Variants in SLC24A2 observed in about 807,000 individuals in gnomAD.
SLC24A2 encodes the protein solute carrier family 24 member 2.
In SLC24A2, 36 loss-of-function variants were observed where a neutral mutation model predicts 62.0. That is an observed-to-expected ratio of 0.58 (90% CI 0.44 to 0.77). SLC24A2 has a LOEUF of 0.77. Among genes scored for constraint, SLC24A2 ranks in the 30% least tolerant of loss-of-function variants. SLC24A2 has a pLI of 0.00. For missense variants in SLC24A2, 846 were observed against 817.9 expected (o/e 1.03, Z -0.42); for synonymous variants, 358 against 294.0 (o/e 1.22, Z -2.23).
At chr9:20,082,200 A>G in the SLC24A2 span, among the ~76,000 whole-genome samples, 3 of 152,196 alleles carry the variant, frequency 2.0e-5, no homozygotes, top group Non-Finnish European at 4.4e-5. Context: ...TTAAGAATAC[A>G]AACTTGATAC....
chr9:19,888,006 G>A, the SLC24A2 span, among the ~76,000 whole-genome samples: 1 of 152,140 alleles, frequency 6.6e-6, no homozygotes, highest in Non-Finnish European at 1.5e-5. Flanking sequence ...AGGGACAAAA[G>A]CCTACAAATT....
chr9:20,043,667 G>A, the SLC24A2 span, among the ~76,000 whole-genome samples: 2 of 152,174 alleles, frequency 1.3e-5, no homozygotes, highest in Non-Finnish European at 2.9e-5. Context: ...AATTAGAAGT[G>A]AAACCTGAAG....
intron 2 of SLC24A2, among the ~76,000 whole-genome samples, chr9:19,685,874 T>C (rs982271820): frequency 2.0e-5 from 3 of 152,004 alleles, no homozygotes; most frequent in African/African-American, 7.2e-5. Context: ...CATTTCATGA[T>C]GAAGATGCCA....
chr9:20,082,590 C>G, the SLC24A2 span, among the ~76,000 whole-genome samples: 1 of 152,318 alleles, frequency 6.6e-6, no homozygotes, highest in South Asian at 2.1e-4. Context: ...GCACCATCAC[C>G]AGCTGGCTGC....
At chr9:20,090,284 T>G in the SLC24A2 span, among the ~76,000 whole-genome samples, 88 of 152,230 alleles carry the variant, frequency 5.8e-4, 1 homozygote, top group East Asian at 0.017. Context: ...AAAAAACCCT[T>G]GGCCACAACC....
At chr9:19,614,125 C>T (rs1462991215) in intron 4 of SLC24A2, among the ~76,000 whole-genome samples, 1 of 152,106 alleles carries the variant, frequency 6.6e-6, no homozygotes, top group Non-Finnish European at 1.5e-5. Flanking sequence ...TGAAGATGTA[C>T]CCCTGAGCAA....
At chr9:20,211,413 G>T in the SLC24A2 span, among the ~76,000 whole-genome samples, 12 of 152,270 alleles carry the variant, frequency 7.9e-5, no homozygotes, top group Admixed American at 6.5e-5. Context: ...TAGGGCGGCT[G>T]AGGCAGGAGA....
At chr9:19,979,190 T>G in the SLC24A2 span, among the ~76,000 whole-genome samples, 1 of 152,168 alleles carries the variant, frequency 6.6e-6, no homozygotes, top group Non-Finnish European at 1.5e-5. Flanking sequence ...TGGGATTGCT[T>G]AGAATAGTGC....
the SLC24A2 span, among the ~76,000 whole-genome samples, chr9:19,796,476 C>G: frequency 1.3e-5 from 2 of 152,136 alleles, no homozygotes; most frequent in East Asian, 1.9e-4. Context: ...TGTTAAAAAC[C>G]CTGTGTCCTG....
the SLC24A2 span, among the ~76,000 whole-genome samples, chr9:20,147,447 G>A: frequency 6.6e-6 from 1 of 152,116 alleles, no homozygotes; most frequent in Non-Finnish European, 1.5e-5. Flanking sequence ...GGTTTTTCAT[G>A]TCAAGTCTTG....
the SLC24A2 span, among the ~76,000 whole-genome samples, chr9:20,229,006 C>A: frequency 6.6e-6 from 1 of 152,068 alleles, no homozygotes; most frequent in Non-Finnish European, 1.5e-5. Flanking sequence ...AGTGATGCTG[C>A]AGAGGCTGGG....
chr9:19,942,543 G>A, the SLC24A2 span, among the ~76,000 whole-genome samples: 1 of 152,020 alleles, frequency 6.6e-6, no homozygotes, highest in Non-Finnish European at 1.5e-5. Flanking sequence ...GAAGAATATG[G>A]GAATTTCTTA....
At chr9:19,780,003 A>G (rs1822964107) in intron 2 of SLC24A2, among the ~76,000 whole-genome samples, 1 of 151,982 alleles carries the variant, frequency 6.6e-6, no homozygotes, top group Middle Eastern at 3.4e-3. Context: ...TGGAGCTTGC[A>G]AGTGAGCCGA....
Position 19,513,153 on chromosome 9 carries a change from GATATATATATATATATATATATGTATAT to G in SLC24A2, c.*2972_*2999del, listed in dbSNP as rs1200031018. 4 of 80,590 alleles carry G rather than the reference GATATATATATATATATATATATGTATAT, an allele frequency of 5.0e-5. No homozygotes were observed. Among genetic ancestry groups the G allele is most frequent in the East Asian group, 8.3e-4 (2 of 2,414 alleles). 5.0% of individuals were successfully genotyped at this position (80,590 alleles called of 1,614,324 possible). ...TGTGTACATATAGATCTGGTATAAA[GATATATATATATATATATATATGTATAT>G]ATATATATATGTATATATTTATATA... is the stretch of plus-strand genomic sequence containing the variant. On this transcript the variant is annotated 3_prime_UTR_variant, in exon 11 of 11. Coordinates refer to ENST00000341998, the MANE Select transcript of SLC24A2 (RefSeq NM_020344.4).
At chr9:19,955,750 G>A in the SLC24A2 span, among the ~76,000 whole-genome samples, 1 of 152,056 alleles carries the variant, frequency 6.6e-6, no homozygotes, top group Non-Finnish European at 1.5e-5. Flanking sequence ...CCAAAAAAAG[G>A]TTTTAAGCCC....
chr9:20,179,528 G>A, the SLC24A2 span, among the ~76,000 whole-genome samples: 6 of 152,144 alleles, frequency 3.9e-5, no homozygotes, highest in African/African-American at 1.4e-4. Context: ...ACTGGACAAG[G>A]ACACAGAAGC....
chr9:20,014,164 T>G, the SLC24A2 span, among the ~76,000 whole-genome samples: 1 of 152,072 alleles, frequency 6.6e-6, no homozygotes, highest in Non-Finnish European at 1.5e-5. Context: ...GCTATGATCA[T>G]GCCACTGCAT....
At chr9:20,147,181 A>T in the SLC24A2 span, among the ~76,000 whole-genome samples, 1 of 152,122 alleles carries the variant, frequency 6.6e-6, no homozygotes, top group South Asian at 2.1e-4. Context: ...TTGGGTTTGG[A>T]TACCTTTCCT....
chr9:19,676,824 C>A (rs1819575278), intron 2 of SLC24A2, among the ~76,000 whole-genome samples: 1 of 152,082 alleles, frequency 6.6e-6, no homozygotes, highest in Admixed American at 6.6e-5. Context: ...AATTTCTTAA[C>A]CTAAGAGAAT....
Sources: gnomAD v4.1 joint callset for allele counts (sites outside exome capture counted in the v4.1 genomes callset) on GRCh38, gnomAD v4.1.1 for gene constraint, MANE v1.5 for transcripts, NCBI Gene and HGNC (gene_info 2026-07-23, HGNC 2026-07-21) for gene names.